The following ABCD3 variants were observed in gnomAD, a reference collection of about 807,000 sequenced individuals.
ABCD3 encodes the protein ATP-binding cassette sub-family D member 3.
ABCD3 carries 41 observed loss-of-function variants against 105.5 expected under a neutral mutation model. The ratio of observed to expected loss-of-function variants is 0.39; its 90% CI spans 0.30 to 0.50. ABCD3 has a LOEUF of 0.50. Ranked by LOEUF, ABCD3 falls within the 20% of genes least tolerant of loss-of-function variation. The pLI, the probability that ABCD3 is intolerant of heterozygous loss-of-function variation, is 0.84. For synonymous variants in ABCD3, 258 were observed against 269.0 expected (o/e 0.96, Z 0.40); for missense variants, 622 against 806.3 (o/e 0.77, Z 2.77).
chr1:94,458,101 C>T (rs1647673391), intron 1 of ABCD3, among the ~76,000 whole-genome samples: 1 of 152,192 alleles, frequency 6.6e-6, no homozygotes, highest in Non-Finnish European at 1.5e-5. Context: ...TGCTTACTCT[C>T]TCCAGGCCAC....
chr1:94,393,481 A>T, the ABCD3 span, among the ~76,000 whole-genome samples: 2 of 152,022 alleles, frequency 1.3e-5, no homozygotes, highest in African/African-American at 4.8e-5. Flanking sequence ...TCGACTAAAA[A>T]TACAAAAATT....
At chr1:94,511,789 C>T (rs1247760745) in intron 21 of ABCD3, among the ~76,000 whole-genome samples, 1 of 152,030 alleles carries the variant, frequency 6.6e-6, no homozygotes, top group Non-Finnish European at 1.5e-5. Context: ...CACATCGGCT[C>T]CTGAGGCTTC....
At chr1:94,446,376 A>G (rs1660346762) in intron 1 of ABCD3, among the ~76,000 whole-genome samples, 1 of 152,220 alleles carries the variant, frequency 6.6e-6, no homozygotes, top group South Asian at 2.1e-4. Context: ...GCCAGCGGGG[A>G]CAATAGGATT....
intron 10 of ABCD3, among the ~76,000 whole-genome samples, chr1:94,484,274 CA>C (rs1649174326): frequency 6.6e-6 from 1 of 152,192 alleles, no homozygotes; most frequent in Non-Finnish European, 1.5e-5. Flanking sequence ...TTGACCCAAC[CA>C]TCCCATTACT....
At chr1:94,438,295 C>T (rs982348582) in intron 1 of ABCD3, among the ~76,000 whole-genome samples, 31 of 113,514 alleles carry the variant, frequency 2.7e-4, no homozygotes, top group African/African-American at 1.1e-3. Context: ...CACACACACA[C>T]ACACATACAC....
Position 94,428,291 on chromosome 1 carries a change from A to G in ABCD3, c.110+9703A>G, listed in dbSNP as rs148549298. On this transcript the variant is annotated intron_variant, in intron 1 of 22. Coordinates refer to ENST00000370214, the MANE Select transcript of ABCD3 (RefSeq NM_002858.4). ...GCCGTCTCACCACTATAATGGTACT[A>G]TAATAATTGACATAAAAGTGGATTA... Among the ~76,000 whole-genome samples the G allele has an allele frequency of 4.5e-3, 688 of 152,294 alleles. 5 individuals carry two copies. The highest frequency in any genetic ancestry group is 0.016 in the African/African-American group (662 of 41,560).
At chr1:94,478,564 G>A (rs533730438) in intron 8 of ABCD3, 6 of 1,595,202 alleles carry the variant, frequency 3.8e-6, no homozygotes, top group East Asian at 4.5e-5. Flanking sequence ...CCAGACAAAT[G>A]TATTGGCCAG....
chr1:94,458,510 T>C, intron 1 of ABCD3, 97 bp from the exon 2 acceptor site: 1 of 1,099,258 alleles, frequency 9.1e-7, no homozygotes, highest in Non-Finnish European at 1.4e-6. Flanking sequence ...GAAGAAACGC[T>C]TTTAAATAAT....
At chr1:94,451,919 A>G (rs1647278444) in intron 1 of ABCD3, among the ~76,000 whole-genome samples, 1 of 152,158 alleles carries the variant, frequency 6.6e-6, no homozygotes, top group Non-Finnish European at 1.5e-5. Flanking sequence ...TCATTTCCAT[A>G]TGCAGTTAGT....
At chr1:94,454,745 G>A (rs1476701195) in intron 1 of ABCD3, among the ~76,000 whole-genome samples, 1 of 152,192 alleles carries the variant, frequency 6.6e-6, no homozygotes, top group East Asian at 1.9e-4. Context: ...TCTGCCTCCA[G>A]GGTTCAAGCC....
intron 16 of ABCD3, among the ~76,000 whole-genome samples, chr1:94,496,600 T>C (rs770650089): frequency 1.9e-4 from 29 of 151,298 alleles, no homozygotes; most frequent in Non-Finnish European, 3.8e-4. Flanking sequence ...TTTCAATGCC[T>C]GCCACTACCC....
In ABCD3 at chr1:94,478,264, T is replaced by G. The variant is rs1355916893; in HGVS notation, c.633T>G (p.Phe211Leu). 1 of 1,590,438 alleles carries G rather than the reference T, an allele frequency of 6.3e-7. No homozygotes were observed. Among genetic ancestry groups the G allele is most frequent in the African/African-American group, 1.3e-5 (1 of 74,408 alleles). ...VDLYSNLSKP[F>L]LDIVLYIFKL... ...TTCTAATATTTATTTTACAGCCATTTTTAGACATAGTTTTGTATATCTTTA... is the reference window on the plus strand; with the variant it reads ...TTCTAATATTTATTTTACAGCCATTGTTAGACATAGTTTTGTATATCTTTA... Residue 211 changes from phenylalanine to leucine, a missense_variant, in exon 8 of 23, where the codon TTT becomes TTG. Coordinates refer to ENST00000370214, the MANE Select transcript of ABCD3 (RefSeq NM_002858.4).
the ABCD3 span, among the ~76,000 whole-genome samples, chr1:94,385,668 A>T: frequency 2.6e-5 from 4 of 152,222 alleles, no homozygotes; most frequent in African/African-American, 9.6e-5. Flanking sequence ...TGCGTAGCTA[A>T]TCTTCCAAAG....
At chr1:94,509,259 T>C (rs992138735) in intron 21 of ABCD3, among the ~76,000 whole-genome samples, 3 of 152,206 alleles carry the variant, frequency 2.0e-5, no homozygotes, top group Non-Finnish European at 4.4e-5. Context: ...GGTTTTTGTC[T>C]TTGGTTCTGT....
chr1:94,441,671 GA>G (rs1488579805), intron 1 of ABCD3, among the ~76,000 whole-genome samples: 1 of 152,192 alleles, frequency 6.6e-6, no homozygotes, highest in Non-Finnish European at 1.5e-5. Flanking sequence ...GAAGAAAAAT[GA>G]AGGTGCTTTC....
At chr1:94,448,991 A>G (rs1343825218) in intron 1 of ABCD3, among the ~76,000 whole-genome samples, 1 of 151,530 alleles carries the variant, frequency 6.6e-6, no homozygotes, top group Non-Finnish European at 1.5e-5. Flanking sequence ...GCGGCTGAAC[A>G]GCATCTACAG....
At chr1:94,491,300 T>G in intron 16 of ABCD3, 53 bp downstream of exon 16, 1 of 1,294,080 alleles carries the variant, frequency 7.7e-7, no homozygotes, top group Non-Finnish European at 1.1e-6. Context: ...AAATGTGAAC[T>G]GAAAAAGATT....
chr1:94,407,393 G>A, the ABCD3 span, among the ~76,000 whole-genome samples: 9 of 151,936 alleles, frequency 5.9e-5, no homozygotes, highest in African/African-American at 1.4e-4. Flanking sequence ...CAGGTGATCC[G>A]CCCGCCTCGA....
At chr1:94,403,419 A>G in the ABCD3 span, among the ~76,000 whole-genome samples, 5 of 152,184 alleles carry the variant, frequency 3.3e-5, no homozygotes, top group African/African-American at 1.2e-4. Flanking sequence ...ATCATTTAAG[A>G]TTATGAAAAT....
Sources: gnomAD v4.1 joint callset for allele counts (sites outside exome capture counted in the v4.1 genomes callset) on GRCh38, gnomAD v4.1.1 for gene constraint, MANE v1.5 for transcripts, NCBI Gene and HGNC (gene_info 2026-07-23, HGNC 2026-07-21) for gene names.